The following TBC1D5 variants were observed in gnomAD, a reference collection of about 807,000 sequenced individuals.
The protein encoded by TBC1D5 is TBC1 domain family, member 5.
Under a neutral mutation model 100.3 loss-of-function variants are expected in TBC1D5, and 75 were observed. That is an observed-to-expected ratio of 0.75 (90% CI 0.62 to 0.91). The LOEUF (loss-of-function observed/expected upper bound fraction) is 0.91, where lower values mean the gene tolerates loss of function less well. Among genes scored for constraint, TBC1D5 ranks in the 40% least tolerant of loss-of-function variants. The pLI is 0.00. For missense variants in TBC1D5, 910 were observed against 942.4 expected, an observed-to-expected ratio of 0.97 and a Z score of 0.45; for synonymous variants, 323 against 325.6, an observed-to-expected ratio of 0.99 and a Z score of 0.09.
intron 15 of TBC1D5, among the ~76,000 whole-genome samples, chr3:17,276,248 A>C (rs1039208683): frequency 6.6e-6 from 1 of 152,148 alleles, no homozygotes; most frequent in Non-Finnish European, 1.5e-5. Flanking sequence ...TTTCTTTTAC[A>C]AAGGTACTAA....
chr3:17,316,157 ACATACACCCTTGG>A (rs1237679300), intron 13 of TBC1D5, among the ~76,000 whole-genome samples: 1 of 152,148 alleles, frequency 6.6e-6, no homozygotes, highest in Non-Finnish European at 1.5e-5. Flanking sequence ...CAGTCTTTCA[ACATACACCCTTGG>A]CTTCTCAGCC....
intron 16 of TBC1D5, among the ~76,000 whole-genome samples, chr3:17,251,079 A>G (rs977560050): frequency 1.1e-4 from 17 of 152,314 alleles, no homozygotes; most frequent in African/African-American, 3.6e-4. Flanking sequence ...TTAGTCACCA[A>G]TGAGGGAGTA....
At chr3:17,424,040 A>G (rs575851469) in intron 4 of TBC1D5, among the ~76,000 whole-genome samples, 1 of 148,860 alleles carries the variant, frequency 6.7e-6, no homozygotes, top group Non-Finnish European at 1.5e-5. Flanking sequence ...TATACTTTAA[A>G]AATCTGAAAA....
At chr3:17,639,584 G>T (rs2064305656) in intron 1 of TBC1D5, among the ~76,000 whole-genome samples, 1 of 151,966 alleles carries the variant, frequency 6.6e-6, no homozygotes, top group Non-Finnish European at 1.5e-5. Context: ...ATTTATAGGA[G>T]AGTTGTCAAA....
intron 1 of TBC1D5, among the ~76,000 whole-genome samples, chr3:17,699,518 A>T (rs571162016): frequency 8.1e-6 from 1 of 123,354 alleles, no homozygotes; most frequent in Admixed American, 8.7e-5. Flanking sequence ...CATTGTGCAC[A>T]TGTACCCTAA....
intron 18 of TBC1D5, among the ~76,000 whole-genome samples, chr3:17,206,966 G>T (rs2125893985): frequency 6.6e-6 from 1 of 152,214 alleles, no homozygotes; most frequent in South Asian, 2.1e-4. Context: ...CAGGGGCTTG[G>T]CTCTGCTGCC....
intron 14 of TBC1D5, among the ~76,000 whole-genome samples, chr3:17,294,195 C>CATTTATTTATTTATTT (rs35808278): frequency 5.2e-4 from 78 of 150,592 alleles, no homozygotes; most frequent in African/African-American, 1.8e-3. Flanking sequence ...ATTGACTAAT[C>CATTTATTTATTTATTT]ATTTATTTAT....
chr3:17,624,211 T>C (rs1264075507), intron 1 of TBC1D5, among the ~76,000 whole-genome samples: 2 of 152,228 alleles, frequency 1.3e-5, no homozygotes, highest in African/African-American at 4.8e-5. Context: ...AAGGAAAACT[T>C]TGTAAAATTA....
At chr3:17,534,962 A>C (rs1310767038) in intron 2 of TBC1D5, among the ~76,000 whole-genome samples, 5 of 152,272 alleles carry the variant, frequency 3.3e-5, no homozygotes, top group African/African-American at 1.2e-4. Flanking sequence ...TTTGAAGAAG[A>C]CTATTTCTAT....
intron 8 of TBC1D5, among the ~76,000 whole-genome samples, chr3:17,402,193 T>G (rs1275514916): frequency 6.6e-6 from 1 of 152,190 alleles, no homozygotes; most frequent in Non-Finnish European, 1.5e-5. Context: ...AACTTAGTAG[T>G]AGTTCATGTC....
At chr3:17,685,077 T>C (rs2070065696) in intron 1 of TBC1D5, among the ~76,000 whole-genome samples, 1 of 152,208 alleles carries the variant, frequency 6.6e-6, no homozygotes, top group South Asian at 2.1e-4. Context: ...TGATAGGCTA[T>C]ATCATTAATT....
chr3:17,598,842 C>A (rs2153584315), intron 2 of TBC1D5, among the ~76,000 whole-genome samples: 1 of 152,334 alleles, frequency 6.6e-6, no homozygotes, highest in East Asian at 1.9e-4. Context: ...TTTACTACCA[C>A]ACTTCCTTTA....
chr3:17,418,618 T>C (rs2094139712), intron 4 of TBC1D5, among the ~76,000 whole-genome samples: 1 of 151,630 alleles, frequency 6.6e-6, no homozygotes, highest in South Asian at 2.1e-4. Context: ...AAAAAAACTA[T>C]GATATACTGA....
intron 16 of TBC1D5, among the ~76,000 whole-genome samples, chr3:17,252,292 G>T (rs543416254): frequency 6.6e-6 from 1 of 152,094 alleles, no homozygotes; most frequent in Non-Finnish European, 1.5e-5. Context: ...AACAGAGATG[G>T]AAGAAACCAA....
chr3:17,524,552 T>C (rs1462457196), intron 2 of TBC1D5: 3 of 152,168 alleles, frequency 2.0e-5, no homozygotes, highest in Non-Finnish European at 4.4e-5. Flanking sequence ...GCCCAGTGAC[T>C]CACAGCTGTA....
At chr3:17,187,608 A>C (rs2069297328) in intron 18 of TBC1D5, among the ~76,000 whole-genome samples, 1 of 152,216 alleles carries the variant, frequency 6.6e-6, no homozygotes, top group South Asian at 2.1e-4. Context: ...GTTATGCAGC[A>C]ATAGACAACA....
intron 2 of TBC1D5, among the ~76,000 whole-genome samples, chr3:17,525,112 C>T (rs2096115796): frequency 6.6e-6 from 1 of 152,060 alleles, no homozygotes. Context: ...CATAAATGTA[C>T]ACTTTAAAAA....
chr3:17,572,898 C>T (rs2096636239), intron 2 of TBC1D5, among the ~76,000 whole-genome samples: 1 of 152,014 alleles, frequency 6.6e-6, no homozygotes, highest in Non-Finnish European at 1.5e-5. Flanking sequence ...ACCTATAATC[C>T]CTGGGCAACC....
At chr3:17,282,525 T>C (rs1037562028) in intron 15 of TBC1D5, among the ~76,000 whole-genome samples, 5 of 152,212 alleles carry the variant, frequency 3.3e-5, no homozygotes, top group African/African-American at 1.2e-4. Flanking sequence ...CCTCTTTAGG[T>C]ATTTAAGGAA....
Sources: gnomAD v4.1 joint callset for allele counts (sites outside exome capture counted in the v4.1 genomes callset) on GRCh38, gnomAD v4.1.1 for gene constraint, MANE v1.5 for transcripts, NCBI Gene and HGNC (gene_info 2026-07-23, HGNC 2026-07-21) for gene names.